Variants in RTL4 observed in about 807,000 individuals in gnomAD.
RTL4 encodes retrotransposon Gag-like protein 4.
Under a neutral mutation model 5.3 loss-of-function variants are expected in RTL4, and 4 were observed. That is an observed-to-expected ratio of 0.75 (90% CI 0.37 to 1.72). The LOEUF (loss-of-function observed/expected upper bound fraction) is 1.72, where lower values mean the gene tolerates loss of function less well. RTL4 is among the 40% of genes most tolerant of loss of function. The pLI, the probability that RTL4 is intolerant of heterozygous loss-of-function variation, is 0.04. For synonymous variants in RTL4, 98 were observed against 87.3 expected, an observed-to-expected ratio of 1.12 and a Z score of -0.68; for missense variants, 260 against 227.1, an observed-to-expected ratio of 1.14 and a Z score of -0.93.
chrX:112,208,998 G>A, the RTL4 span, among the ~76,000 whole-genome samples: 5 of 112,311 alleles, frequency 4.5e-5, no homozygotes, highest in Non-Finnish European at 9.4e-5. Flanking sequence ...ATGTTACTGA[G>A]CCCATGCTTA....
At chrX:112,279,809 T>C in the RTL4 span, among the ~76,000 whole-genome samples, 1 of 111,626 alleles carries the variant, frequency 9.0e-6, no homozygotes. Context: ...ATGCATACTA[T>C]CTTGAGAGTA....
At chrX:112,304,558 G>GT in the RTL4 span, among the ~76,000 whole-genome samples, 1 of 106,899 alleles carries the variant, frequency 9.4e-6, no homozygotes. Flanking sequence ...CCTGGGGGAT[G>GT]TCATCAACAT....
chrX:112,379,362 T>C, the RTL4 span, among the ~76,000 whole-genome samples: 1 of 112,548 alleles, frequency 8.9e-6, no homozygotes, highest in Non-Finnish European at 1.9e-5. Context: ...GTAGCCTTGC[T>C]TACCATAAAC....
chrX:112,329,063 T>A, the RTL4 span, among the ~76,000 whole-genome samples: 1 of 110,148 alleles, frequency 9.1e-6, no homozygotes, highest in African/African-American at 3.3e-5. Context: ...GCAGGAAAGA[T>A]CCAAAATTGA....
chrX:112,316,006 T>C, the RTL4 span, among the ~76,000 whole-genome samples: 1 of 111,812 alleles, frequency 8.9e-6, no homozygotes, highest in African/African-American at 3.3e-5. Context: ...TGAGACGGAG[T>C]TATGCCAGAC....
the RTL4 span, among the ~76,000 whole-genome samples, chrX:112,208,681 A>G: frequency 1.8e-5 from 2 of 112,253 alleles, no homozygotes; most frequent in Non-Finnish European, 3.8e-5. Context: ...AAAACAGGTC[A>G]AACTATCAGA....
At chrX:112,369,596 C>G in the RTL4 span, among the ~76,000 whole-genome samples, 3 of 111,637 alleles carry the variant, frequency 2.7e-5, no homozygotes, top group African/African-American at 9.8e-5. Context: ...GAAAAAGGAA[C>G]CCCTGAGTTT....
chrX:112,218,638 A>G, the RTL4 span, among the ~76,000 whole-genome samples: 1 of 111,704 alleles, frequency 9.0e-6, no homozygotes, highest in East Asian at 2.8e-4. Flanking sequence ...TGGTATGATC[A>G]CCACTTTCTA....
the RTL4 span, among the ~76,000 whole-genome samples, chrX:112,346,017 G>A: frequency 9.0e-6 from 1 of 111,717 alleles, no homozygotes; most frequent in African/African-American, 3.3e-5. Context: ...AAATACATAT[G>A]TGTGTCTCTC....
At chrX:112,274,329 T>C in the RTL4 span, among the ~76,000 whole-genome samples, 1 of 111,971 alleles carries the variant, frequency 8.9e-6, no homozygotes, top group Non-Finnish European at 1.9e-5. Flanking sequence ...GTCTTGCTAT[T>C]TCCTGTGGAA....
the RTL4 span, among the ~76,000 whole-genome samples, chrX:112,263,708 A>G: frequency 3.6e-5 from 4 of 111,665 alleles, no homozygotes; most frequent in Non-Finnish European, 7.5e-5. Context: ...AGTTAATAAT[A>G]TTGTATGGTT....
chrX:112,102,431 A>C, the RTL4 span, among the ~76,000 whole-genome samples: 1 of 112,028 alleles, frequency 8.9e-6, no homozygotes, highest in African/African-American at 3.2e-5. Context: ...AACCATAAAA[A>C]GTTGTTAAAC....
At chrX:112,438,488 C>G in the RTL4 span, among the ~76,000 whole-genome samples, 13 of 112,835 alleles carry the variant, frequency 1.2e-4, no homozygotes, top group Non-Finnish European at 9.4e-5. Flanking sequence ...TGGGTGGCAG[C>G]AGTGGCATGG....
the RTL4 span, among the ~76,000 whole-genome samples, chrX:112,259,454 G>A: frequency 3.6e-5 from 4 of 110,613 alleles, no homozygotes; most frequent in Non-Finnish European, 7.6e-5. Flanking sequence ...GCTAGCTCCT[G>A]GAGATACTAC....
the RTL4 span, among the ~76,000 whole-genome samples, chrX:112,286,658 A>G: frequency 3.6e-5 from 4 of 111,453 alleles, no homozygotes; most frequent in East Asian, 1.1e-3. Flanking sequence ...TGGCACCACT[A>G]CCATCCATCC....
the RTL4 span, among the ~76,000 whole-genome samples, chrX:112,380,399 G>T: frequency 7.2e-5 from 8 of 111,431 alleles, no homozygotes; most frequent in African/African-American, 2.0e-4. Context: ...TGATCTGCCC[G>T]CCTCGGCCTC....
the RTL4 span, among the ~76,000 whole-genome samples, chrX:112,155,671 G>A: frequency 2.7e-5 from 3 of 111,548 alleles, no homozygotes; most frequent in Non-Finnish European, 3.8e-5. Context: ...AAAACTCACA[G>A]TTTTTAACTG....
At chrX:112,441,456 G>A in the RTL4 span, among the ~76,000 whole-genome samples, 1 of 111,645 alleles carries the variant, frequency 9.0e-6, no homozygotes, top group Non-Finnish European at 1.9e-5. Flanking sequence ...CAGCCAATAG[G>A]GGAGAGAGCA....
chrX:112,288,866 C>T, the RTL4 span, among the ~76,000 whole-genome samples: 1 of 111,554 alleles, frequency 9.0e-6, no homozygotes, highest in African/African-American at 3.3e-5. Context: ...TGCCCCAAAC[C>T]TCACTTCAAA....
Sources: gnomAD v4.1 joint callset for allele counts (sites outside exome capture counted in the v4.1 genomes callset) on GRCh38, gnomAD v4.1.1 for gene constraint, MANE v1.5 for transcripts, NCBI Gene and HGNC (gene_info 2026-07-23, HGNC 2026-07-21) for gene names.